COG5: variants seen among roughly 807,000 people sequenced by gnomAD.
COG5 encodes component of oligomeric golgi complex 5.
A neutral mutation model predicts 110.4 loss-of-function variants in COG5; 86 were observed. The observed-to-expected ratio is 0.78, with a 90% CI of 0.65 to 0.93. COG5 has a LOEUF of 0.93. Ranked by LOEUF, COG5 falls within the 40% of genes least tolerant of loss-of-function variation. COG5 has a pLI of 0.00. For synonymous variants in COG5, 360 were observed against 334.6 expected, an observed-to-expected ratio of 1.08 and a Z score of -0.83; for missense variants, 1,077 against 987.0, an observed-to-expected ratio of 1.09 and a Z score of -1.22.
At chr7:107,509,107 G>A (rs7790534) in intron 6 of COG5, among the ~76,000 whole-genome samples, 41,268 of 152,010 alleles carry the variant, frequency 0.27, 5,696 homozygotes, top group East Asian at 0.33. Context: ...CTGAGCTAAA[G>A]GAGAAAGTTC....
At chr7:107,255,381 C>T (rs1392306453) in intron 16 of COG5, among the ~76,000 whole-genome samples, 3 of 152,112 alleles carry the variant, frequency 2.0e-5, no homozygotes, top group African/African-American at 2.4e-5. Flanking sequence ...GTCTCCTTCT[C>T]TTACCCTCAA....
chr7:107,300,069 T>TA (rs1807135004), intron 11 of COG5, among the ~76,000 whole-genome samples: 1 of 151,090 alleles, frequency 6.6e-6, no homozygotes, highest in African/African-American at 2.4e-5. Flanking sequence ...TTAACAAACT[T>TA]AAAAGAAAAA....
At chr7:107,284,716 A>AT (rs962961796) in intron 12 of COG5, among the ~76,000 whole-genome samples, 1 of 152,134 alleles carries the variant, frequency 6.6e-6, no homozygotes, top group African/African-American at 2.4e-5. Context: ...GCTGATTTTC[A>AT]TTTAGCAGTC....
At chr7:107,422,700 A>G (rs1274256159) in intron 6 of COG5, among the ~76,000 whole-genome samples, 2 of 151,564 alleles carry the variant, frequency 1.3e-5, no homozygotes, top group African/African-American at 4.9e-5. Context: ...TAAAAAAAAA[A>G]AAAAGCAAGC....
intron 11 of COG5, among the ~76,000 whole-genome samples, chr7:107,321,100 C>T (rs528820529): frequency 7.5e-4 from 114 of 152,122 alleles, no homozygotes; most frequent in African/African-American, 2.6e-3. Flanking sequence ...CCAATAACTA[C>T]TAGAATAAGT....
At chr7:107,331,580 T>C (rs1034131923) in intron 10 of COG5, among the ~76,000 whole-genome samples, 1 of 152,140 alleles carries the variant, frequency 6.6e-6, no homozygotes, top group East Asian at 1.9e-4. Flanking sequence ...TGAAAAAATC[T>C]AGGCAAAAGG....
intron 12 of COG5, among the ~76,000 whole-genome samples, chr7:107,289,363 A>C (rs114840256): frequency 6.6e-6 from 1 of 152,126 alleles, no homozygotes; most frequent in Non-Finnish European, 1.5e-5. Flanking sequence ...TTTTATGTCT[A>C]TCCTTGTGCC....
chr7:107,291,223 T>C (rs994114309), intron 12 of COG5, among the ~76,000 whole-genome samples: 1 of 152,214 alleles, frequency 6.6e-6, no homozygotes, highest in Non-Finnish European at 1.5e-5. Context: ...CCACATTTAT[T>C]TGAGGCTCTG....
chr7:107,383,062 C>A (rs971142941), intron 7 of COG5, among the ~76,000 whole-genome samples: 2 of 152,102 alleles, frequency 1.3e-5, no homozygotes, highest in Non-Finnish European at 2.9e-5. Context: ...TCAGAGGTTT[C>A]CTTTTGGGAA....
At chr7:107,349,281 G>A (rs1811914693) in intron 10 of COG5, among the ~76,000 whole-genome samples, 1 of 152,068 alleles carries the variant, frequency 6.6e-6, no homozygotes, top group African/African-American at 2.4e-5. Context: ...TTCTAAACTG[G>A]AATCCTTTTA....
chr7:107,234,633 A>C (rs1006948828), intron 18 of COG5, among the ~76,000 whole-genome samples: 1 of 152,174 alleles, frequency 6.6e-6, no homozygotes, highest in Non-Finnish European at 1.5e-5. Context: ...TGCCTCCAGG[A>C]AAGTGACTCA....
chr7:107,459,069 G>C (rs774813660), intron 6 of COG5, among the ~76,000 whole-genome samples: 1 of 151,772 alleles, frequency 6.6e-6, no homozygotes, highest in African/African-American at 2.4e-5. Flanking sequence ...GGAACAAACA[G>C]AACAAATGAG....
intron 7 of COG5, among the ~76,000 whole-genome samples, chr7:107,408,434 T>C (rs894476119): frequency 2.0e-5 from 3 of 152,262 alleles, no homozygotes; most frequent in Non-Finnish European, 4.4e-5. Flanking sequence ...TATTCTGAGT[T>C]ACAGAGTCTT....
intron 19 of COG5, among the ~76,000 whole-genome samples, chr7:107,228,995 T>C (rs143216786): frequency 1.6e-3 from 241 of 152,312 alleles, no homozygotes; most frequent in African/African-American, 5.5e-3. Flanking sequence ...GAAAGCTGCA[T>C]ACCTGTACTC....
chr7:107,292,336 T>C (rs768104606), intron 12 of COG5, among the ~76,000 whole-genome samples: 3 of 152,200 alleles, frequency 2.0e-5, no homozygotes, highest in African/African-American at 2.4e-5. Flanking sequence ...ACCTGTTTTA[T>C]TGCCTGCCTC....
chr7:107,249,690 T>TTGTG lies in COG5; in HGVS notation c.1750-1195_1750-1192dup, dbSNP rs57572752. 8.4e-3 allele frequency among the ~76,000 whole-genome samples: 1,112 copies of TTGTG among 131,716 alleles called. 10 individuals are homozygous for TTGTG. Among genetic ancestry groups the TTGTG allele is most frequent in the South Asian group, 0.014 (52 of 3,752 alleles). 86.4% of individuals were successfully genotyped at this position (131,716 alleles called of 152,430 possible). On this transcript the variant is annotated intron_variant, in intron 16 of 21. Transcript: ENST00000297135. ...AAAAATAAATATACAACGTACAGGA[T>TTGTG]TGTGTGTGTGTGTGTGTGTGTGTGT...
At chr7:107,505,544 T>C (rs1039309742) in intron 6 of COG5, among the ~76,000 whole-genome samples, 2 of 152,100 alleles carry the variant, frequency 1.3e-5, no homozygotes, top group Non-Finnish European at 2.9e-5. Context: ...CAAGCTCCCA[T>C]GGGAAAAGCC....
chr7:107,226,193 T>C (rs1800324591), intron 19 of COG5, among the ~76,000 whole-genome samples: 1 of 152,192 alleles, frequency 6.6e-6, no homozygotes, highest in South Asian at 2.1e-4. Context: ...ATATATTTGA[T>C]CCTATGAATT....
intron 11 of COG5, among the ~76,000 whole-genome samples, chr7:107,309,815 A>T (rs919806716): frequency 2.0e-5 from 3 of 151,156 alleles, no homozygotes; most frequent in African/African-American, 7.3e-5. Context: ...TTCAAACTTA[A>T]ATCTACACAA....
Sources: allele counts gnomAD v4.1 joint callset (sites outside exome capture counted in the v4.1 genomes callset), GRCh38; gene constraint gnomAD v4.1.1; transcripts MANE v1.5; gene names NCBI Gene and HGNC (gene_info 2026-07-23, HGNC 2026-07-21).